Variants in RABEP1 observed in about 807,000 individuals in gnomAD.
RABEP1 encodes the protein rab GTPase-binding effector protein 1.
RABEP1 carries 51 observed loss-of-function variants against 123.4 expected under a neutral mutation model. That is an observed-to-expected ratio of 0.41 (90% CI 0.33 to 0.52). The LOEUF (loss-of-function observed/expected upper bound fraction) is 0.52, where lower values mean the gene tolerates loss of function less well. Ranked by LOEUF, RABEP1 falls within the 20% of genes least tolerant of loss-of-function variation. The pLI is 0.16. For synonymous variants in RABEP1, 347 were observed against 355.2 expected (o/e 0.98, Z 0.26); for missense variants, 888 against 996.3 (o/e 0.89, Z 1.46).
intron 1 of RABEP1, among the ~76,000 whole-genome samples, chr17:5,290,469 C>G (rs776661277): frequency 5.3e-5 from 8 of 152,036 alleles, no homozygotes; most frequent in Non-Finnish European, 1.2e-4. Flanking sequence ...GCTTCCCTCT[C>G]TTGTTTAAAA....
At chr17:5,343,866 G>C (rs1907839231) in intron 5 of RABEP1, among the ~76,000 whole-genome samples, 1 of 151,414 alleles carries the variant, frequency 6.6e-6, no homozygotes, top group Non-Finnish European at 1.5e-5. Context: ...AGTAGAGACG[G>C]GGTTTTGTCA....
At chr17:5,331,054 TTA>T (rs1491173775) in intron 2 of RABEP1, among the ~76,000 whole-genome samples, 27,013 of 112,092 alleles carry the variant, frequency 0.24, 3,842 homozygotes, top group East Asian at 0.55. Context: ...TTTTTTTTTT[TTA>T]AAGAAACACA....
At chr17:5,359,350 G>A (rs1043757512) in intron 8 of RABEP1, among the ~76,000 whole-genome samples, 14 of 152,014 alleles carry the variant, frequency 9.2e-5, no homozygotes, top group Admixed American at 3.3e-4. Context: ...CTGGGATTAC[G>A]GGTGTGAGCC....
At chr17:5,359,113 G>A (rs1053891067) in intron 8 of RABEP1, among the ~76,000 whole-genome samples, 1 of 147,206 alleles carries the variant, frequency 6.8e-6, no homozygotes, top group Admixed American at 6.8e-5. Flanking sequence ...TCGCTCTGTT[G>A]CCCAGGCTGG....
At chr17:5,289,583 A>T (rs183266220) in intron 1 of RABEP1, among the ~76,000 whole-genome samples, 1 of 152,012 alleles carries the variant, frequency 6.6e-6, no homozygotes, top group Admixed American at 6.6e-5. Context: ...TTTATTTTTA[A>T]ATTAGAGAAG....
At chr17:5,375,107 TTTTTTTTTTCC>T (rs1215911074) in intron 13 of RABEP1, among the ~76,000 whole-genome samples, 1 of 151,534 alleles carries the variant, frequency 6.6e-6, no homozygotes, top group Non-Finnish European at 1.5e-5. Context: ...TTCTTTTTTT[TTTTTTTTTTCC>T]TTTTTAAGGA....
intron 17 of RABEP1, 93 bp downstream of exon 17, chr17:5,381,598 G>A (rs1484267565): frequency 1.3e-6 from 2 of 1,486,348 alleles, no homozygotes; most frequent in East Asian, 2.4e-5. Context: ...GCAGTAGCTA[G>A]AGGTTTAGAG....
rs368265039 is a variant in RABEP1, at chr17:5,361,546, G to A, written c.1434G>A (p.Ala478=). The A allele has an allele frequency of 1.5e-5, 24 of 1,614,066 alleles. No homozygotes were observed. The highest frequency in any genetic ancestry group is 1.6e-5 in the Non-Finnish European group (19 of 1,180,042). The change falls in exon 9 of 18, where the codon GCG becomes GCA. Residue 478 remains alanine, a synonymous_variant. Transcript: ENST00000537505. ...AAGATCAGGAAAGAGCAATCAAGGCGATGACACCAGAACAAGAAGAGACAG... is the reference window on the plus strand; with the variant it reads ...AAGATCAGGAAAGAGCAATCAAGGCAATGACACCAGAACAAGAAGAGACAG... ...LTKDQERAIK[A]MTPEQEETAS...
At chr17:5,356,800 G>A (rs1909055070) in intron 8 of RABEP1, among the ~76,000 whole-genome samples, 2 of 151,666 alleles carry the variant, frequency 1.3e-5, no homozygotes, top group South Asian at 2.1e-4. Context: ...ACAGGCATCC[G>A]CCATCGTGCC....
intron 2 of RABEP1, among the ~76,000 whole-genome samples, chr17:5,315,599 C>T (rs987765305): frequency 2.0e-5 from 3 of 152,150 alleles, no homozygotes; most frequent in African/African-American, 7.2e-5. Flanking sequence ...GCCTGTAATC[C>T]CAACATTTTG....
chr17:5,318,096 C>T (rs1339661015), intron 2 of RABEP1, among the ~76,000 whole-genome samples: 3 of 152,134 alleles, frequency 2.0e-5, no homozygotes, highest in Non-Finnish European at 4.4e-5. Flanking sequence ...ATAAATGTTT[C>T]CCTGAGTTCT....
chr17:5,362,623 A>C (rs1169730606), intron 9 of RABEP1, among the ~76,000 whole-genome samples: 1 of 152,220 alleles, frequency 6.6e-6, no homozygotes, highest in African/African-American at 2.4e-5. Flanking sequence ...TTAGTATTAT[A>C]CCATGAGTGC....
At chr17:5,282,590 G>T in intron 1 of RABEP1, 70 bp downstream of exon 1, 1 of 1,054,524 alleles carries the variant, frequency 9.5e-7, no homozygotes, top group Non-Finnish European at 1.2e-6. Flanking sequence ...GAGGATTTCG[G>T]GGCGGGCAGG....
rs1911656598 is a variant in RABEP1 at position 5,383,339 on chromosome 17, T to C, written c.*116T>C. ...AGAGAAGTCACAACAAAAGGAAGAC[T>C]GGAGAAATGCTTACTTCTAGAGGGA... On this transcript the variant is annotated 3_prime_UTR_variant, in exon 18 of 18. Coordinates refer to ENST00000537505, the MANE Select transcript of RABEP1 (RefSeq NM_004703.6). 1.2e-6 allele frequency: 1 copy of C among 829,536 alleles called. No individual in the cohort carries two copies. The highest frequency in any genetic ancestry group is 2.7e-5 in the East Asian group (1 of 37,518). 51.4% of individuals were successfully genotyped at this position (829,536 alleles called of 1,614,324 possible). A position where few individuals can be genotyped will look rare whatever the true frequency, so the allele number is the denominator to read the frequency against.
chr17:5,353,692 C>A (rs751580432), intron 7 of RABEP1, among the ~76,000 whole-genome samples: 15 of 151,936 alleles, frequency 9.9e-5, no homozygotes, highest in Non-Finnish European at 1.6e-4. Context: ...TGCAAAAAAA[C>A]CAAAAAATTA....
At chr17:5,381,360 A>G in intron 16 of RABEP1, 29 bp from the exon 17 acceptor site, 1 of 1,603,640 alleles carries the variant, frequency 6.2e-7, no homozygotes. Context: ...CTTTGGCATT[A>G]ATCTTCATTC....
At chr17:5,367,652 T>G (rs1389822165) in intron 11 of RABEP1, among the ~76,000 whole-genome samples, 1 of 151,316 alleles carries the variant, frequency 6.6e-6, no homozygotes, top group Non-Finnish European at 1.5e-5. Context: ...CCCCCATTGC[T>G]CTGTGTAGAT....
chr17:5,379,278 G>GGTCT (rs1911250753), intron 15 of RABEP1, among the ~76,000 whole-genome samples: 1 of 152,110 alleles, frequency 6.6e-6, no homozygotes, highest in Non-Finnish European at 1.5e-5. Context: ...AGAATATCAT[G>GGTCT]ACCTGCTTCT....
At position 5,299,731 on chromosome 17, in the gene RABEP1, C is replaced by CT. The variant is rs1171650180; in HGVS notation, c.35-8947dup. Reference sequence around the variant, plus strand: ...CTTTTTTTCTTTTCTTTTTCTTTTTCTTTTTTTTTTTTTTTTGGAGGCAGA... The same window carrying CT: ...CTTTTTTTCTTTTCTTTTTCTTTTTCTTTTTTTTTTTTTTTTTGGAGGCAGA... On this transcript the variant is annotated intron_variant, in intron 1 of 17. Transcript: ENST00000537505. Among the ~76,000 whole-genome samples the CT allele has an allele frequency of 2.9e-3, 285 of 96,836 alleles. 14 individuals carry two copies. The highest frequency in any genetic ancestry group is 3.7e-3 in the African/African-American group (82 of 21,876). 63.5% of individuals were successfully genotyped at this position (96,836 alleles called of 152,430 possible).
Sources: gnomAD v4.1 joint callset for allele counts (sites outside exome capture counted in the v4.1 genomes callset) on GRCh38, gnomAD v4.1.1 for gene constraint, MANE v1.5 for transcripts, NCBI Gene and HGNC (gene_info 2026-07-23, HGNC 2026-07-21) for gene names.